Variants in CDKN3 observed in about 807,000 individuals in gnomAD.
CDKN3 encodes cyclin-dependent kinase inhibitor 3.
CDKN3 carries 19 observed loss-of-function variants against 36.1 expected under a neutral mutation model. The ratio of observed to expected loss-of-function variants is 0.53; its 90% CI spans 0.37 to 0.77. The LOEUF (loss-of-function observed/expected upper bound fraction) is 0.77. Ranked by LOEUF, CDKN3 falls within the 30% of genes least tolerant of loss-of-function variation. The pLI, the probability that CDKN3 is intolerant of heterozygous loss-of-function variation, is 0.00. For synonymous variants in CDKN3, 71 were observed against 85.3 expected (o/e 0.83, Z 0.92); for missense variants, 188 against 248.6 (o/e 0.76, Z 1.64).
intron 2 of CDKN3, 33 bp from the exon 3 acceptor site, chr14:54,401,491 T>G: frequency 6.6e-7 from 1 of 1,508,506 alleles, no homozygotes; most frequent in Non-Finnish European, 9.2e-7. Context: ...TTTAAAAACT[T>G]AACTAAACAT....
Position 54,420,102 on chromosome 14 carries a change from G to T in CDKN3, c.*24G>T. 1.5e-6 allele frequency: 2 copies of T among 1,298,956 alleles called. No homozygotes were observed. Among genetic ancestry groups the T allele is most frequent in the South Asian group, 2.5e-5 (2 of 81,506 alleles). 80.5% of individuals were successfully genotyped at this position (1,298,956 alleles called of 1,614,324 possible). On this transcript the variant is annotated 3_prime_UTR_variant, in exon 8 of 8. Transcript: ENST00000335183. ...AAAGGAATTCAAATAGCATATATAT[G>T]ACCATGTCTGAAATGTCAGTTCTCT...
intron 7 of CDKN3, 137 bp from the exon 8 acceptor site, chr14:54,419,855 A>C (rs1456895118): frequency 1.8e-6 from 1 of 545,218 alleles, no homozygotes; most frequent in Non-Finnish European, 3.3e-6. Context: ...CCCATGATGC[A>C]AATGCTTCCT....
chr14:54,413,722 C>G lies in CDKN3; in HGVS notation c.416+2016C>G, dbSNP rs2030437355. 5.9e-6 allele frequency: 9 copies of G among 1,531,552 alleles called. No individual in the cohort carries two copies. The East Asian group carries it at 2.2e-4, about 38-fold the overall frequency. 94.9% of individuals were successfully genotyped at this position (1,531,552 alleles called of 1,614,324 possible). ...TCCTTCAGCAACAGGATCTGGTAAACCTTTTTCACTGACCTGTTGTCTACC... is the reference window on the plus strand; with the variant it reads ...TCCTTCAGCAACAGGATCTGGTAAAGCTTTTTCACTGACCTGTTGTCTACC... On this transcript the variant is annotated intron_variant, in intron 5 of 7. Transcript: ENST00000335183.
In CDKN3 at chr14:54,402,999, G is replaced by A. The variant is rs185476589; in HGVS notation, c.148+1420G>A. ...CAGGTAGCGTGATGCCTCCAGCGTT[G>A]TTCTTTTTACTTAGGATTGTCTTGG... On this transcript the variant is annotated intron_variant, in intron 3 of 7. Coordinates refer to ENST00000335183, the MANE Select transcript of CDKN3 (RefSeq NM_005192.4). 9.3e-4 allele frequency among the ~76,000 whole-genome samples: 142 copies of A among 152,246 alleles called. No homozygotes were observed. In the South Asian group the frequency reaches 0.013, roughly 14 times the overall value.
intron 4 of CDKN3, chr14:54,411,176 C>CA (rs376186329): frequency 0.37 from 45,954 of 122,946 alleles, 8,838 homozygotes; most frequent in Non-Finnish European, 0.42. Flanking sequence ...GACTCCATCT[C>CA]AAAAAAAAAA....
chr14:54,399,623 A>G (rs1886416988), intron 1 of CDKN3, among the ~76,000 whole-genome samples: 1 of 152,218 alleles, frequency 6.6e-6, no homozygotes. Context: ...GTGGCTTGTC[A>G]GAGAGTATAC....
chr14:54,402,995 C>T (rs1200377252), intron 3 of CDKN3, among the ~76,000 whole-genome samples: 2 of 152,088 alleles, frequency 1.3e-5, no homozygotes, highest in African/African-American at 2.4e-5. Flanking sequence ...ATGCCTCCAG[C>T]GTTGTTCTTT....
chr14:54,411,938 T>A (rs1178732347), intron 5 of CDKN3: 36 of 577,696 alleles, frequency 6.2e-5, no homozygotes, highest in East Asian at 5.0e-4. Flanking sequence ...TTGGAAATTG[T>A]TAGAACAAGG....
chr14:54,414,608 C>T (rs553913831), intron 5 of CDKN3, among the ~76,000 whole-genome samples: 37 of 150,384 alleles, frequency 2.5e-4, no homozygotes, highest in South Asian at 6.3e-4. Flanking sequence ...TGCAGTGGCA[C>T]TGTCATAGCT....
intron 3 of CDKN3, among the ~76,000 whole-genome samples, chr14:54,402,309 C>CGTGCGT (rs1555361560): frequency 4.7e-5 from 7 of 147,728 alleles, no homozygotes; most frequent in Non-Finnish European, 7.5e-5. Flanking sequence ...CATGTGTGTG[C>CGTGCGT]GTGTGTGTGT....
chr14:54,417,274 TA>T (rs1265367704), intron 6 of CDKN3, among the ~76,000 whole-genome samples: 1 of 152,192 alleles, frequency 6.6e-6, no homozygotes, highest in Non-Finnish European at 1.5e-5. Context: ...GACGAACAGA[TA>T]AACACAATGT....
chr14:54,397,364 A>G (rs564361738), intron 1 of CDKN3, among the ~76,000 whole-genome samples: 1 of 152,244 alleles, frequency 6.6e-6, no homozygotes, highest in Non-Finnish European at 1.5e-5. Flanking sequence ...CGCCCAGCCA[A>G]AGAGGGCCGA....
intron 5 of CDKN3, chr14:54,412,696 G>C (rs534516498): frequency 3.0e-6 from 1 of 331,858 alleles, no homozygotes; most frequent in African/African-American, 2.1e-5. Flanking sequence ...TCAAAGGGGC[G>C]ATGTGGATAA....
chr14:54,403,453 G>A (rs2030035102), intron 3 of CDKN3, among the ~76,000 whole-genome samples: 1 of 152,158 alleles, frequency 6.6e-6, no homozygotes, highest in Non-Finnish European at 1.5e-5. Flanking sequence ...GAGACAATGA[G>A]GTTTCTAAAT....
At chr14:54,402,364 T>TAATAA (rs2029988689) in intron 3 of CDKN3, among the ~76,000 whole-genome samples, 8 of 152,206 alleles carry the variant, frequency 5.3e-5, no homozygotes, top group Admixed American at 3.9e-4. Context: ...CTTTTTTTAT[T>TAATAA]ATACTTTACA....
At chr14:54,417,791 C>A in intron 6 of CDKN3, 57 bp from the exon 7 acceptor site, 1 of 922,350 alleles carries the variant, frequency 1.1e-6, no homozygotes, top group Non-Finnish European at 1.7e-6. Flanking sequence ...ATATAAAATG[C>A]TGTACCCTGT....
chr14:54,419,732 G>T (rs2030665781), intron 7 of CDKN3, among the ~76,000 whole-genome samples: 1 of 152,146 alleles, frequency 6.6e-6, no homozygotes, highest in South Asian at 2.1e-4. Context: ...AAGAGAGAAA[G>T]AATTTTAGAC....
intron 7 of CDKN3, chr14:54,418,395 C>T (rs982824468): frequency 6.3e-6 from 4 of 636,326 alleles, no homozygotes; most frequent in Admixed American, 5.4e-5. Flanking sequence ...AGATGAATGA[C>T]TATAATACAA....
chr14:54,402,103 G>A (rs1018002475), intron 3 of CDKN3, among the ~76,000 whole-genome samples: 2 of 151,882 alleles, frequency 1.3e-5, no homozygotes, highest in Non-Finnish European at 2.9e-5. Context: ...AGCTACTTGG[G>A]AGGCTGAGGT....
Sources: gnomAD v4.1 joint callset for allele counts (sites outside exome capture counted in the v4.1 genomes callset) on GRCh38, gnomAD v4.1.1 for gene constraint, MANE v1.5 for transcripts, NCBI Gene and HGNC (gene_info 2026-07-23, HGNC 2026-07-21) for gene names.